Variants in CADPS2 observed in about 807,000 individuals in gnomAD.
CADPS2 encodes calcium-dependent secretion activator 2.
A neutral mutation model predicts 172.5 loss-of-function variants in CADPS2; 93 were observed. The observed-to-expected ratio is 0.54, with a 90% confidence interval of 0.46 to 0.64. The LOEUF (loss-of-function observed/expected upper bound fraction) is 0.64, where lower values mean the gene tolerates loss of function less well. Ranked by LOEUF, CADPS2 falls within the 30% of genes least tolerant of loss-of-function variation. The probability of loss-of-function intolerance (pLI) is 0.00; values close to 1 mark genes in which losing one functional copy is unlikely to be tolerated. For synonymous variants in CADPS2, 546 were observed against 555.2 expected (o/e 0.98, Z 0.23); for missense variants, 1,420 against 1,565.9 (o/e 0.91, Z 1.57).
At chr7:122,726,713 CTT>C (rs551300733) in intron 2 of CADPS2, among the ~76,000 whole-genome samples, 81 of 138,872 alleles carry the variant, frequency 5.8e-4, no homozygotes, top group African/African-American at 1.9e-3. Context: ...CTCTTAAAAA[CTT>C]TTAAAAAAGA....
intron 1 of CADPS2, among the ~76,000 whole-genome samples, chr7:122,802,486 T>C (rs1797871661): frequency 6.6e-6 from 1 of 152,116 alleles, no homozygotes; most frequent in Non-Finnish European, 1.5e-5. Flanking sequence ...TTATTTAAGG[T>C]AGGCAAGCAC....
At chr7:122,668,413 A>AC (rs201553729) in intron 2 of CADPS2, among the ~76,000 whole-genome samples, 1,584 of 151,946 alleles carry the variant, frequency 0.01, 27 homozygotes, top group African/African-American at 0.035. Context: ...AAAAAAAAAA[A>AC]AAAAACAAAA....
chr7:122,487,201 G>C (rs2057904145), intron 11 of CADPS2, among the ~76,000 whole-genome samples: 1 of 151,540 alleles, frequency 6.6e-6, no homozygotes, highest in Non-Finnish European at 1.5e-5. Flanking sequence ...GTAGATACAG[G>C]GTTTCATCAT....
chr7:122,739,265 A>C (rs1461353775), intron 1 of CADPS2, among the ~76,000 whole-genome samples: 1 of 152,214 alleles, frequency 6.6e-6, no homozygotes, highest in Non-Finnish European at 1.5e-5. Context: ...AGGAGACCTT[A>C]CTGATCACTT....
intron 2 of CADPS2, among the ~76,000 whole-genome samples, chr7:122,692,122 G>A (rs1002140722): frequency 1.3e-5 from 2 of 152,162 alleles, no homozygotes; most frequent in African/African-American, 4.8e-5. Context: ...TCTGTGAACT[G>A]GAATACTCGG....
At chr7:122,853,566 A>G (rs898836480) in intron 1 of CADPS2, among the ~76,000 whole-genome samples, 1 of 152,228 alleles carries the variant, frequency 6.6e-6, no homozygotes, top group Non-Finnish European at 1.5e-5. Context: ...CTTTGTAATT[A>G]GCTCCCTATA....
At chr7:122,369,099 A>C (rs1267545938) in intron 25 of CADPS2, among the ~76,000 whole-genome samples, 3 of 149,510 alleles carry the variant, frequency 2.0e-5, no homozygotes, top group African/African-American at 7.4e-5. Context: ...AAATTATTGA[A>C]GTCTTTCTGG....
At chr7:122,355,949 T>A (rs2151084854) in intron 27 of CADPS2, among the ~76,000 whole-genome samples, 1 of 152,286 alleles carries the variant, frequency 6.6e-6, no homozygotes, top group East Asian at 1.9e-4. Flanking sequence ...TTTAGAAAAA[T>A]TTTAGATTTA....
At chr7:122,583,272 G>A (rs1181175461) in intron 6 of CADPS2, among the ~76,000 whole-genome samples, 1 of 151,916 alleles carries the variant, frequency 6.6e-6, no homozygotes, top group Admixed American at 6.6e-5. Context: ...ATGAGATTCA[G>A]TTAAAGAATA....
At chr7:122,618,251 G>GT (rs927488342) in intron 5 of CADPS2, among the ~76,000 whole-genome samples, 5 of 152,030 alleles carry the variant, frequency 3.3e-5, no homozygotes, top group South Asian at 2.1e-4. Context: ...CTGAACGGCT[G>GT]TTTTTTTGAT....
intron 15 of CADPS2, among the ~76,000 whole-genome samples, chr7:122,449,201 A>G (rs937785002): frequency 1.3e-5 from 2 of 152,234 alleles, no homozygotes; most frequent in African/African-American, 4.8e-5. Context: ...ATAGATATCT[A>G]AAATGATGGC....
intron 28 of CADPS2, among the ~76,000 whole-genome samples, chr7:122,339,216 T>C (rs1298309206): frequency 6.6e-6 from 1 of 152,194 alleles, no homozygotes; most frequent in Non-Finnish European, 1.5e-5. Flanking sequence ...AAAAAGTACA[T>C]TATCAGCTCT....
At chr7:122,514,252 T>TATC (rs35781446) in intron 8 of CADPS2, among the ~76,000 whole-genome samples, 8,254 of 152,200 alleles carry the variant, frequency 0.054, 283 homozygotes, top group African/African-American at 0.058. Flanking sequence ...TTCAATATTT[T>TATC]ATAATCCTTT....
intron 13 of CADPS2, among the ~76,000 whole-genome samples, chr7:122,472,144 T>C (rs1169066710): frequency 6.6e-6 from 1 of 152,186 alleles, no homozygotes; most frequent in African/African-American, 2.4e-5. Context: ...TGTGCATGCA[T>C]GCCACCTGAA....
At position 122,393,304 on chromosome 7, in the gene CADPS2, T is replaced by C; in HGVS notation, c.2900A>G (p.Asn967Ser). Reference sequence around the variant, plus strand: ...TGGAAGAGCTACATTGGGAAGACTGTTGGCGATATTCCTGTAAAGAAACAA... The same window carrying C: ...TGGAAGAGCTACATTGGGAAGACTGCTGGCGATATTCCTGTAAAGAAACAA... ...ETWQPVKNIA[N>S]SLPNVALPKV... Residue 967 changes from asparagine (N) to serine (S), a missense_variant, in exon 22 of 30, where the codon AAC (asparagine) becomes AGC (serine). Asn to Ser is a conservative substitution (Grantham distance 46). Transcript: ENST00000449022. 6.2e-7 allele frequency: 1 copy of C among 1,613,868 alleles called. No individual in the cohort carries two copies. Among genetic ancestry groups the C allele is most frequent in the Non-Finnish European group, 8.5e-7 (1 of 1,179,808 alleles).
chr7:122,835,118 C>T (rs968552288), intron 1 of CADPS2, among the ~76,000 whole-genome samples: 5 of 152,232 alleles, frequency 3.3e-5, no homozygotes, highest in African/African-American at 1.2e-4. Flanking sequence ...GCAACATTTG[C>T]TGTTCAGCAA....
chr7:122,367,376 C>CT (rs142503237), intron 25 of CADPS2, among the ~76,000 whole-genome samples: 56,060 of 149,806 alleles, frequency 0.37, 10,842 homozygotes, highest in African/African-American at 0.41. Context: ...TTCCTAAATC[C>CT]TTTTTTTTTG....
At chr7:122,484,778 A>T (rs2057640176) in intron 11 of CADPS2, among the ~76,000 whole-genome samples, 1 of 152,102 alleles carries the variant, frequency 6.6e-6, no homozygotes, top group Admixed American at 6.6e-5. Flanking sequence ...TCCAGAACAC[A>T]CAGGGAAACT....
intron 1 of CADPS2, among the ~76,000 whole-genome samples, chr7:122,830,619 T>C (rs1042001394): frequency 1.3e-5 from 2 of 152,178 alleles, no homozygotes; most frequent in Middle Eastern, 3.2e-3. Flanking sequence ...TGCAAAAACA[T>C]TGGATTTCAA....
Sources: gnomAD v4.1 joint callset for allele counts (sites outside exome capture counted in the v4.1 genomes callset) on GRCh38, gnomAD v4.1.1 for gene constraint, MANE v1.5 for transcripts, NCBI Gene and HGNC (gene_info 2026-07-23, HGNC 2026-07-21) for gene names.